WDR49: variants seen among roughly 807,000 people sequenced by gnomAD.
WDR49 encodes cilia- and flagella-associated protein 337.
A neutral mutation model predicts 119.5 loss-of-function variants in WDR49; 107 were observed. The observed-to-expected ratio is 0.90, with a 90% CI of 0.77 to 1.05. WDR49 has a LOEUF of 1.05. Ranked by LOEUF, WDR49 falls within the 50% of genes least tolerant of loss-of-function variation. WDR49 has a pLI of 0.00. For synonymous variants in WDR49, 425 were observed against 418.8 expected (o/e 1.01, Z -0.18); for missense variants, 1,240 against 1,220.5 (o/e 1.02, Z -0.24).
intron 17 of WDR49, among the ~76,000 whole-genome samples, chr3:167,500,920 A>G (rs956960085): frequency 6.6e-6 from 1 of 152,226 alleles, no homozygotes; most frequent in East Asian, 1.9e-4. Flanking sequence ...CTGTGAAGGT[A>G]GGAACTGGGT....
chr3:167,651,487 T>C (rs1222659010), intron 2 of WDR49, among the ~76,000 whole-genome samples: 1 of 152,222 alleles, frequency 6.6e-6, no homozygotes, highest in African/African-American at 2.4e-5. Flanking sequence ...CGTGCTGTGT[T>C]TGGAAATCAT....
At chr3:167,647,729 T>C (rs1559931931) in intron 2 of WDR49, among the ~76,000 whole-genome samples, 3 of 152,202 alleles carry the variant, frequency 2.0e-5, no homozygotes, top group South Asian at 4.1e-4. Flanking sequence ...GGCTGCAGAA[T>C]GCACTTTTTA....
At chr3:167,583,403 A>G (rs746420391) in intron 7 of WDR49, among the ~76,000 whole-genome samples, 9 of 152,040 alleles carry the variant, frequency 5.9e-5, no homozygotes, top group African/African-American at 9.7e-5. Flanking sequence ...TCTGAATAAA[A>G]CATAATTTTT....
At chr3:167,613,111 T>C (rs888357708) in intron 5 of WDR49, among the ~76,000 whole-genome samples, 1 of 152,174 alleles carries the variant, frequency 6.6e-6, no homozygotes, top group African/African-American at 2.4e-5. Flanking sequence ...AGTCCCCAGG[T>C]TGTACTTATT....
intron 7 of WDR49, among the ~76,000 whole-genome samples, chr3:167,582,544 C>T (rs1183513745): frequency 6.6e-6 from 1 of 152,108 alleles, no homozygotes; most frequent in Non-Finnish European, 1.5e-5. Context: ...AGAAGACACA[C>T]AGCTCTAAGA....
In WDR49 at chr3:167,602,266, C is replaced by T. The variant is rs1715812338; in HGVS notation, c.1136G>A (p.Gly379Asp). ...HSRLNLIATA[G>D]INNKVCLWNP... ...CCAAAGGCAAACTTTATTGTTAATG[C>T]CAGCAGTTGCTAATCAGAATTAGAA... is the stretch of plus-strand genomic sequence containing the variant. Residue 379 changes from glycine to aspartate, a missense_variant, in exon 7 of 19, where the codon GGC (glycine) becomes GAC (aspartate). Physicochemically the swap from Gly to Asp is moderately conservative, Grantham distance 94. Coordinates refer to ENST00000682715, the MANE Select transcript of WDR49 (RefSeq NM_001366157.1). 2 of 1,570,458 alleles carry T rather than the reference C, an allele frequency of 1.3e-6. No individual in the cohort carries two copies. Among genetic ancestry groups the T allele is most frequent in the Non-Finnish European group, 8.7e-7 (1 of 1,151,382 alleles).
At chr3:167,597,582 C>T (rs1488079852) in intron 7 of WDR49, among the ~76,000 whole-genome samples, 1 of 152,146 alleles carries the variant, frequency 6.6e-6, no homozygotes, top group Non-Finnish European at 1.5e-5. Context: ...AAAAGCCACA[C>T]ACACTCAACA....
chr3:167,621,522 T>A lies in WDR49; in HGVS notation c.728A>T (p.Tyr243Phe). The change falls in exon 4 of 19, where the codon TAT becomes TTT. Residue 243 changes from tyrosine to phenylalanine, a missense_variant. Coordinates refer to ENST00000682715, the MANE Select transcript of WDR49 (RefSeq NM_001366157.1). ...KGTPICMDYW[Y>F]DPLDANESIL... ...TGATTCATTGGCATCAAGAGGATCA[T>A]ACCAATAATCCATGCAAATTGGTGT... 1 of 1,535,610 alleles carries A rather than the reference T, an allele frequency of 6.5e-7. No homozygotes were observed.
intron 10 of WDR49, among the ~76,000 whole-genome samples, chr3:167,553,165 A>G (rs986271629): frequency 3.9e-5 from 6 of 152,114 alleles, no homozygotes; most frequent in Non-Finnish European, 8.8e-5. Flanking sequence ...TAATTTTTAA[A>G]TCCACCAATA....
At chr3:167,635,632 A>G (rs1015616405) in intron 2 of WDR49, among the ~76,000 whole-genome samples, 2 of 151,708 alleles carry the variant, frequency 1.3e-5, no homozygotes, top group African/African-American at 4.8e-5. Context: ...AGAGAGGACA[A>G]TCCAACTTGG....
At chr3:167,549,071 T>G (rs1413297429) in intron 10 of WDR49, among the ~76,000 whole-genome samples, 2 of 152,210 alleles carry the variant, frequency 1.3e-5, no homozygotes, top group Non-Finnish European at 2.9e-5. Flanking sequence ...ATGTGCCACA[T>G]TTTCTTAATC....
In WDR49 at chr3:167,653,498, G is replaced by A. The variant is rs80154024; in HGVS notation, c.-73C>T. The A allele has an allele frequency of 4.7e-3, 6,566 of 1,399,420 alleles. 198 individuals are homozygous for A. In the East Asian group the frequency reaches 0.09, roughly 19 times the overall value. The allele number at this position is 1,399,420 out of a possible 1,614,324, so 86.7% of individuals were successfully genotyped here. On this transcript the variant is annotated splice_region_variant and 5_prime_UTR_variant, in exon 2 of 19. Coordinates refer to ENST00000682715, the MANE Select transcript of WDR49 (RefSeq NM_001366157.1). ...GGATCTTCTTTTTCCTTCAACAGGT[G>A]CCTTTGAAAAGAAACTCAACTTAGC...
chr3:167,613,697 C>T (rs554945306), intron 5 of WDR49, among the ~76,000 whole-genome samples: 1 of 152,234 alleles, frequency 6.6e-6, no homozygotes, highest in East Asian at 1.9e-4. Context: ...GTAATCCCAG[C>T]AGTTTGGGAG....
At chr3:167,489,090 T>C (rs1444718420) in intron 18 of WDR49, among the ~76,000 whole-genome samples, 1 of 152,092 alleles carries the variant, frequency 6.6e-6, no homozygotes, top group Non-Finnish European at 1.5e-5. Context: ...TCCAAACTTA[T>C]CATCTTTAAC....
intron 10 of WDR49, among the ~76,000 whole-genome samples, chr3:167,538,312 C>T (rs1711582534): frequency 6.6e-6 from 1 of 152,152 alleles, no homozygotes; most frequent in African/African-American, 2.4e-5. Context: ...AGCCCTCTGT[C>T]TGCAATTCCC....
At chr3:167,643,307 C>T (rs940550025) in intron 2 of WDR49, among the ~76,000 whole-genome samples, 10 of 151,998 alleles carry the variant, frequency 6.6e-5, no homozygotes, top group Admixed American at 3.9e-4. Context: ...GAGATAACTA[C>T]GCAGTATTCT....
intron 17 of WDR49, 85 bp from the exon 18 acceptor site, chr3:167,500,384 A>C: frequency 6.6e-7 from 1 of 1,509,538 alleles, no homozygotes. Context: ...GCACATTTCC[A>C]AGTTAACTTT....
At chr3:167,538,606 T>G (rs1245652582) in intron 10 of WDR49, among the ~76,000 whole-genome samples, 2 of 152,082 alleles carry the variant, frequency 1.3e-5, no homozygotes, top group African/African-American at 4.8e-5. Context: ...TTTTCATTTA[T>G]TCTATAAGAA....
Position 167,560,337 on chromosome 3 carries a change from C to T in WDR49, c.1510-109G>A, listed in dbSNP as rs959479833. 12 of 1,098,206 alleles carry T rather than the reference C, an allele frequency of 1.1e-5. No homozygotes were observed. The African/African-American group carries it at 1.8e-4, about 16-fold the overall frequency. The allele number at this position is 1,098,206 out of a possible 1,614,324, so 68.0% of individuals were successfully genotyped here. A position where few individuals can be genotyped will look rare whatever the true frequency, so the allele number is the denominator to read the frequency against. ...CATTTCTAGTCCAAAGATCCCCCAA[C>T]AGTCAGAGACATTTTTGTAATGGAC... On this transcript the variant is annotated intron_variant, in intron 8 of 18. Coordinates refer to ENST00000682715, the MANE Select transcript of WDR49 (RefSeq NM_001366157.1).
Sources: allele counts gnomAD v4.1 joint callset (sites outside exome capture counted in the v4.1 genomes callset), GRCh38; gene constraint gnomAD v4.1.1; transcripts MANE v1.5; gene names NCBI Gene and HGNC (gene_info 2026-07-23, HGNC 2026-07-21).